NAA10: variants seen among roughly 807,000 people sequenced by gnomAD.
The protein encoded by NAA10 is N-alpha-acetyltransferase 10, NatA catalytic subunit, also known as N-alpha-acetyltransferase 10.
A neutral mutation model predicts 19.2 loss-of-function variants in NAA10; 6 were observed. That is an observed-to-expected ratio of 0.31 (90% CI 0.17 to 0.62). The LOEUF (loss-of-function observed/expected upper bound fraction) is 0.62. Ranked by LOEUF, NAA10 falls within the 20% of genes least tolerant of loss-of-function variation. The pLI is 0.83. For synonymous variants in NAA10, 97 were observed against 79.9 expected (o/e 1.21, Z -1.14); for missense variants, 101 against 198.4 (o/e 0.51, Z 2.95).
At chrX:153,931,869 G>A (rs2065168294) in intron 6 of NAA10, 3 of 1,120,352 alleles carry the variant, frequency 2.7e-6, no homozygotes, top group Non-Finnish European at 3.5e-6. Flanking sequence ...GTTTCAGCAG[G>A]CAGGTGCTGT....
At chrX:153,931,234 C>T in intron 6 of NAA10, 1 of 922,977 alleles carries the variant, frequency 1.1e-6, no homozygotes, top group Non-Finnish European at 1.4e-6. Flanking sequence ...AGCTCTGGGG[C>T]CGTGACTACA....
chrX:153,933,200 T>C (rs1318018188), intron 3 of NAA10, among the ~76,000 whole-genome samples: 1 of 111,872 alleles, frequency 8.9e-6, no homozygotes, highest in Non-Finnish European at 1.9e-5. Context: ...GGCAAAACCA[T>C]GCAAACAGTA....
chrX:153,931,042 C>G lies in NAA10; in HGVS notation c.387-195G>C, dbSNP rs782418926. ...CTCCAGGACACAGCGGCCCGCCCCACCCGTCCTGCCCCCGTTCTGTGTCCT... is the reference window on the plus strand; with the variant it reads ...CTCCAGGACACAGCGGCCCGCCCCAGCCGTCCTGCCCCCGTTCTGTGTCCT... On this transcript the variant is annotated intron_variant, in intron 6 of 7. Transcript: ENST00000464845. 739 of 1,142,728 alleles carry G rather than the reference C, an allele frequency of 6.5e-4. 10 individuals are homozygous for G. The South Asian group carries it at 0.014, about 21-fold the overall frequency. 94.2% of individuals were successfully genotyped at this position (1,142,728 alleles called of 1,213,427 possible).
chrX:153,934,005 G>T lies in NAA10; in HGVS notation c.121-4C>A. 1 of 1,208,999 alleles carries T rather than the reference G, an allele frequency of 8.3e-7. No homozygotes were observed. Among genetic ancestry groups the T allele is most frequent in the Non-Finnish European group, 1.1e-6 (1 of 893,184 alleles). On this transcript the variant is annotated splice_polypyrimidine_tract_variant and splice_region_variant and intron_variant, in intron 2 of 7. Transcript: ENST00000464845. The stretch of plus-strand genomic sequence containing the variant: ...CGTCCTCAGCAATGTAAGAGAGCTG[G>T]TGACAGGAAAACAGAGTGAGAAAAC...
chrX:153,930,085 C>T lies in NAA10; in HGVS notation c.610G>A (p.Asp204Asn). Reference protein sequence around the residue: ...CREEKGLAAEDSGGDSKDLSE... With the variant: ...CREEKGLAAENSGGDSKDLSE... ...AGGTCCTTGCTGTCCCCACCACTAT[C>T]CTCGGCAGCCAGGCCCTTCTCCTCG... The change falls in exon 8 of 8, where the codon GAT (aspartate) becomes AAT (asparagine). Residue 204 changes from aspartate to asparagine, a missense_variant. Coordinates refer to ENST00000464845, the MANE Select transcript of NAA10 (RefSeq NM_003491.4). 8.3e-7 allele frequency: 1 copy of T among 1,211,209 alleles called. No homozygotes were observed. Among genetic ancestry groups the T allele is most frequent in the Non-Finnish European group, 1.1e-6 (1 of 895,320 alleles).
intron 7 of NAA10, chrX:153,930,534 ACCTC>A (rs1259190411): frequency 4.4e-5 from 20 of 456,667 alleles, no homozygotes; most frequent in Non-Finnish European, 6.5e-5. Flanking sequence ...TGGTCCCTAG[ACCTC>A]CCCACTTCCC....
At position 153,932,312 on chromosome X, in the gene NAA10, C is replaced by T. The variant is rs781809653; in HGVS notation, c.341+4G>A. Reference sequence around the variant, plus strand: ...AATCCCCCTTCCCTCAGCCCGGCTTCCACCTCTTCCTGACATGCAGGGAGA... The same window carrying T: ...AATCCCCCTTCCCTCAGCCCGGCTTTCACCTCTTCCTGACATGCAGGGAGA... On this transcript the variant is annotated splice_donor_region_variant and intron_variant, in intron 5 of 7. Coordinates refer to ENST00000464845, the MANE Select transcript of NAA10 (RefSeq NM_003491.4). The T allele has an allele frequency of 1.2e-5, 15 of 1,201,069 alleles. No individual in the cohort carries two copies. Among genetic ancestry groups the T allele is most frequent in the South Asian group, 1.1e-4 (6 of 56,459 alleles).
intron 7 of NAA10, 172 bp from the exon 8 acceptor site, chrX:153,930,395 C>A: frequency 2.0e-6 from 1 of 500,717 alleles, no homozygotes; most frequent in South Asian, 2.7e-5. Context: ...CAGTCCACCG[C>A]TACCTGGGCT....
chrX:153,931,684 G>A, intron 6 of NAA10: 1 of 899,101 alleles, frequency 1.1e-6, no homozygotes, highest in Non-Finnish European at 1.4e-6. Flanking sequence ...CCTCGATTCT[G>A]CTCTCTCTTG....
In NAA10 at chrX:153,934,970, A is replaced by T. The variant is rs1416197535; in HGVS notation, c.-66T>A. On this transcript the variant is annotated 5_prime_UTR_variant, in exon 1 of 8. Transcript: ENST00000464845. Reference sequence around the variant, plus strand: ...CGCAGTCAGCTGCCGCCGCGCTCCGAAGCGACGCCGGGACGGCCGGGGCTG... The same window carrying T: ...CGCAGTCAGCTGCCGCCGCGCTCCGTAGCGACGCCGGGACGGCCGGGGCTG... 1 of 928,610 alleles carries T rather than the reference A, an allele frequency of 1.1e-6. No individual in the cohort carries two copies. The highest frequency in any genetic ancestry group is 1.4e-6 in the Non-Finnish European group (1 of 738,289). The allele number at this position is 928,610 out of a possible 1,213,427, so 76.5% of individuals were successfully genotyped here.
In NAA10 at chrX:153,932,549, A is replaced by T; in HGVS notation, c.215T>A (p.Ile72Asn). The T allele has an allele frequency of 8.3e-7, 1 of 1,206,914 alleles. No individual in the cohort carries two copies. Among genetic ancestry groups the T allele is most frequent in the Non-Finnish European group, 1.1e-6 (1 of 892,536 alleles). The stretch of plus-strand genomic sequence containing the variant: ...GTGGACCTTACATACCAATGAGGTG[A>T]TATGTCCATGGGGCACATCATCTGG... Reference protein sequence around the residue: ...EDPDDVPHGHITSLAVKRSHR... With the variant: ...EDPDDVPHGHNTSLAVKRSHR... The change falls in exon 4 of 8, where the codon ATC becomes AAC. Residue 72 changes from isoleucine (I) to asparagine (N), a missense_variant. Around this residue, in one of 2 missense-constraint regions of NAA10, gnomAD observed 43 missense variants for 122.6 expected, o/e 0.35. Coordinates refer to ENST00000464845, the MANE Select transcript of NAA10 (RefSeq NM_003491.4).
chrX:153,932,533 A>C lies in NAA10; in HGVS notation c.225+6T>G. ...CCACCAGAGAGCCTGGGTGGACCTT[A>C]CATACCAATGAGGTGATATGTCCAT... On this transcript the variant is annotated splice_donor_region_variant and intron_variant, in intron 4 of 7. Coordinates refer to ENST00000464845, the MANE Select transcript of NAA10 (RefSeq NM_003491.4). 2 of 1,205,897 alleles carry C rather than the reference A, an allele frequency of 1.7e-6. No homozygotes were observed. The highest frequency in any genetic ancestry group is 2.2e-6 in the Non-Finnish European group (2 of 891,847).
intron 6 of NAA10, chrX:153,931,333 G>C: frequency 2.3e-6 from 2 of 854,841 alleles, no homozygotes; most frequent in Middle Eastern, 5.8e-4. Flanking sequence ...CCAGGCCTAA[G>C]ACATGAGGAT....
chrX:153,931,945 TCCACAGCCTCTTCC>T, intron 6 of NAA10, 112 bp downstream of exon 6: 1 of 1,198,270 alleles, frequency 8.3e-7, no homozygotes, highest in Non-Finnish European at 1.1e-6. Flanking sequence ...AGTGCTGGGG[TCCACAGCCTCTTCC>T]CCACAGCCGG....
At position 153,929,893 on chromosome X, in the gene NAA10, C is replaced by A; in HGVS notation, c.*94G>T. On this transcript the variant is annotated 3_prime_UTR_variant, in exon 8 of 8. Coordinates refer to ENST00000464845, the MANE Select transcript of NAA10 (RefSeq NM_003491.4). ...CAGAGGACCTGGAGAAACACACCCTCTAAATGTGCGCGCGCTCACACACAA... is the reference window on the plus strand; with the variant it reads ...CAGAGGACCTGGAGAAACACACCCTATAAATGTGCGCGCGCTCACACACAA... 1 of 756,510 alleles carries A rather than the reference C, an allele frequency of 1.3e-6. No individual in the cohort carries two copies. Among genetic ancestry groups the A allele is most frequent in the Non-Finnish European group, 2.0e-6 (1 of 488,390 alleles). 62.3% of individuals were successfully genotyped at this position (756,510 alleles called of 1,213,427 possible).
rs782074730 is a variant in NAA10 at position 153,930,766 on chromosome X, G to A, written c.468C>T (p.Asp156=). The change falls in exon 7 of 8, where the codon GAC becomes GAT. Residue 156 remains aspartate (D), a synonymous_variant. Transcript: ENST00000464845. The part of the protein sequence containing the change: ...AMKRDLTQMA[D]ELRRHLELKE... ...TTGGCTTCATGCAGGCGCTTACCTC[G>A]TCGGCCATCTGAGTGAGGTCCCGCT... 1.1e-5 allele frequency: 13 copies of A among 1,209,936 alleles called. No homozygotes were observed. The South Asian group carries it at 1.2e-4, about 11-fold the overall frequency.
Position 153,929,830 on chromosome X carries a change from G to T in NAA10, c.*157C>A, listed in dbSNP as rs1282331457. ...CTTTCCTTGTACTCGGGCCTGGCAG[G>T]ATGCTCTGGGTCAAAAGGCCAAGGC... On this transcript the variant is annotated 3_prime_UTR_variant, in exon 8 of 8. Coordinates refer to ENST00000464845, the MANE Select transcript of NAA10 (RefSeq NM_003491.4). The T allele has an allele frequency of 2.4e-5, 12 of 492,478 alleles. No individual in the cohort carries two copies. The highest frequency in any genetic ancestry group is 3.9e-5 in the Non-Finnish European group (11 of 283,133). 40.6% of individuals were successfully genotyped at this position (492,478 alleles called of 1,213,427 possible).
At chrX:153,932,167 T>G in intron 5 of NAA10, 52 bp from the exon 6 acceptor site, 3 of 1,198,471 alleles carry the variant, frequency 2.5e-6, no homozygotes, top group East Asian at 3.0e-5. Flanking sequence ...CAGGGAGGGG[T>G]AGCACGTCCA....
At position 153,929,823 on chromosome X, in the gene NAA10, C is replaced by A; in HGVS notation, c.*164G>T. ...CAAAGCTCTTTCCTTGTACTCGGGCCTGGCAGGATGCTCTGGGTCAAAAGG... is the reference window on the plus strand; with the variant it reads ...CAAAGCTCTTTCCTTGTACTCGGGCATGGCAGGATGCTCTGGGTCAAAAGG... On this transcript the variant is annotated 3_prime_UTR_variant, in exon 8 of 8. Coordinates refer to ENST00000464845, the MANE Select transcript of NAA10 (RefSeq NM_003491.4). 4.1e-6 allele frequency: 2 copies of A among 484,068 alleles called. No homozygotes were observed. The highest frequency in any genetic ancestry group is 6.0e-5 in the South Asian group (2 of 33,611). 39.9% of individuals were successfully genotyped at this position (484,068 alleles called of 1,213,427 possible). A position where few individuals can be genotyped will look rare whatever the true frequency, so the allele number is the denominator to read the frequency against.
Sources: gnomAD v4.1 joint callset for allele counts (sites outside exome capture counted in the v4.1 genomes callset) on GRCh38, gnomAD v4.1.1 for gene constraint, gnomAD v4.1.1 regional missense constraint, MANE v1.5 for transcripts, NCBI Gene and HGNC (gene_info 2026-07-23, HGNC 2026-07-21) for gene names.